Variants in ACYP2 observed in about 807,000 individuals in gnomAD.
ACYP2 encodes acylphosphatase 2, also known as acylphosphatase-2.
Under a neutral mutation model 11.2 loss-of-function variants are expected in ACYP2, and 12 were observed. The ratio of observed to expected loss-of-function variants is 1.08; its 90% CI spans 0.69 to 1.74. ACYP2 has a LOEUF of 1.74. ACYP2 is among the 40% of genes most tolerant of loss of function. ACYP2 has a pLI of 0.00. For synonymous variants in ACYP2, 43 were observed against 32.2 expected (o/e 1.33, Z -1.13); for missense variants, 134 against 101.9 (o/e 1.31, Z -1.35).
At chr2:54,274,508 G>T (rs899656799) in intron 6 of ACYP2, among the ~76,000 whole-genome samples, 1 of 151,472 alleles carries the variant, frequency 6.6e-6, no homozygotes, top group Non-Finnish European at 1.5e-5. Flanking sequence ...AGGTACGGTG[G>T]TGCACACCTG....
chr2:54,262,480 A>C (rs1325576367), intron 6 of ACYP2, among the ~76,000 whole-genome samples: 2 of 152,236 alleles, frequency 1.3e-5, no homozygotes, highest in African/African-American at 4.8e-5. Context: ...TAAGTATTAG[A>C]AAAGAAATTG....
chr2:54,116,726 T>A (rs1039984923), intron 4 of ACYP2, among the ~76,000 whole-genome samples: 7 of 152,112 alleles, frequency 4.6e-5, no homozygotes, highest in Non-Finnish European at 1.0e-4. Context: ...GACTCGCGGA[T>A]GAAGCAATGG....
At chr2:54,235,552 A>C (rs1374925829) in intron 6 of ACYP2, among the ~76,000 whole-genome samples, 2 of 152,050 alleles carry the variant, frequency 1.3e-5, no homozygotes, top group Non-Finnish European at 2.9e-5. Flanking sequence ...GGGTTTCACC[A>C]TGTTAGCCAG....
intron 6 of ACYP2, among the ~76,000 whole-genome samples, chr2:54,270,231 TA>T (rs1398692425): frequency 6.6e-6 from 1 of 152,204 alleles, no homozygotes. Flanking sequence ...GTTTTTAAGC[TA>T]TTTTTTTGTG....
At position 54,104,119 on chromosome 2, in the gene ACYP2, C is replaced by T. The variant is rs915709740; in HGVS notation, c.278-31334C>T. On this transcript the variant is annotated intron_variant, in intron 4 of 6. Coordinates refer to ENST00000607452, the MANE Select transcript of ACYP2 (RefSeq NM_001320586.2). ...GAGACTTGGTACTTAAAATGAACTT[C>T]GAGCTGTTCCAAATGTACAGATTAA... Among the ~76,000 whole-genome samples the T allele has an allele frequency of 2.6e-5, 4 of 152,288 alleles. No homozygotes were observed. In the South Asian group the frequency reaches 8.3e-4, roughly 32 times the overall value.
At chr2:54,066,811 A>T (rs1012668670) in intron 4 of ACYP2, among the ~76,000 whole-genome samples, 1 of 152,246 alleles carries the variant, frequency 6.6e-6, no homozygotes, top group Non-Finnish European at 1.5e-5. Flanking sequence ...CTATCCAGAC[A>T]TGGTGGCCAA....
At chr2:54,060,373 T>A (rs1434731754) in intron 4 of ACYP2, among the ~76,000 whole-genome samples, 2 of 151,930 alleles carry the variant, frequency 1.3e-5, no homozygotes, top group Non-Finnish European at 2.9e-5. Flanking sequence ...TCTATAAACT[T>A]ATTCTTGTTC....
At position 54,255,772 on chromosome 2, in the gene ACYP2, T is replaced by C. The variant is rs1558647670; in HGVS notation, c.405-48916T>C. The C allele has an allele frequency of 1.9e-6, 3 of 1,613,784 alleles. No individual in the cohort carries two copies. The African/African-American group carries it at 4.0e-5, about 22-fold the overall frequency. On this transcript the variant is annotated intron_variant, in intron 6 of 6. Transcript: ENST00000607452. The stretch of plus-strand genomic sequence containing the variant: ...CCCTGCCCCACAGGTTTCTAGAGCC[T>C]TCTCCCCACCTAGGCCGTGCGTCTC...
At chr2:54,185,058 G>GCTGAT (rs1375364038) in intron 6 of ACYP2, among the ~76,000 whole-genome samples, 1 of 152,008 alleles carries the variant, frequency 6.6e-6, no homozygotes, top group African/African-American at 2.4e-5. Context: ...TCTTGGCCAG[G>GCTGAT]CTGATCTTGA....
intron 6 of ACYP2, among the ~76,000 whole-genome samples, chr2:54,274,285 C>T (rs1205311603): frequency 6.6e-6 from 1 of 152,070 alleles, no homozygotes; most frequent in Non-Finnish European, 1.5e-5. Context: ...GAAAGACCTG[C>T]CCCTATAATT....
chr2:54,292,565 G>C (rs1189481841), intron 6 of ACYP2, among the ~76,000 whole-genome samples: 2 of 151,958 alleles, frequency 1.3e-5, no homozygotes, highest in Admixed American at 1.3e-4. Flanking sequence ...GATGAGGCTT[G>C]CATTATGGTT....
chr2:54,123,667 A>G (rs1680287107), intron 4 of ACYP2, among the ~76,000 whole-genome samples: 1 of 152,010 alleles, frequency 6.6e-6, no homozygotes, highest in African/African-American at 2.4e-5. Context: ...AAAGTGCCTC[A>G]GGGAAGTCAG....
intron 6 of ACYP2, among the ~76,000 whole-genome samples, chr2:54,192,093 T>G (rs371465674): frequency 1.4e-4 from 21 of 152,158 alleles, no homozygotes; most frequent in African/African-American, 4.6e-4. Flanking sequence ...GACTCCCAAA[T>G]TTAAATCCAA....
chr2:53,990,828 G>A (rs1252449935), intron 2 of ACYP2, among the ~76,000 whole-genome samples: 3 of 151,216 alleles, frequency 2.0e-5, no homozygotes, highest in South Asian at 2.1e-4. Flanking sequence ...GCAGAGTCTC[G>A]CTCTGTCGCC....
At chr2:54,186,595 C>T (rs1684009999) in intron 6 of ACYP2, among the ~76,000 whole-genome samples, 1 of 152,134 alleles carries the variant, frequency 6.6e-6, no homozygotes, top group South Asian at 2.1e-4. Flanking sequence ...CTCACTGCAA[C>T]CTCTGCCTCC....
intron 2 of ACYP2, among the ~76,000 whole-genome samples, chr2:54,003,169 A>T (rs1481484820): frequency 6.6e-6 from 1 of 151,986 alleles, no homozygotes; most frequent in Non-Finnish European, 1.5e-5. Flanking sequence ...GCTGGTCTCG[A>T]ACCCCTGGCC....
chr2:53,992,912 G>T (rs6545377), intron 2 of ACYP2, among the ~76,000 whole-genome samples: 46,119 of 150,856 alleles, frequency 0.31, 7,621 homozygotes, highest in South Asian at 0.49. Flanking sequence ...TCAGAAAAAA[G>T]GTTTTATGGC....
chr2:54,255,048 A>G lies in ACYP2; in HGVS notation c.405-49640A>G, dbSNP rs747533997. The G allele has an allele frequency of 1.4e-5, 22 of 1,614,004 alleles. No individual in the cohort carries two copies. The Admixed American group carries it at 2.3e-4, about 17-fold the overall frequency. ...GATTTGACCAGAGGTCCTCTTTAAT[A>G]ATCTGAGCAATCCTGTCGGACTCTG... is the stretch of plus-strand genomic sequence containing the variant. On this transcript the variant is annotated intron_variant, in intron 6 of 6. Coordinates refer to ENST00000607452, the MANE Select transcript of ACYP2 (RefSeq NM_001320586.2).
chr2:54,293,473 T>C (rs889073484), intron 6 of ACYP2, among the ~76,000 whole-genome samples: 1 of 152,214 alleles, frequency 6.6e-6, no homozygotes, highest in African/African-American at 2.4e-5. Flanking sequence ...CTGAGGAGGT[T>C]GGATGATGCG....
Sources: allele counts gnomAD v4.1 joint callset (sites outside exome capture counted in the v4.1 genomes callset), GRCh38; gene constraint gnomAD v4.1.1; transcripts MANE v1.5; gene names NCBI Gene and HGNC (gene_info 2026-07-23, HGNC 2026-07-21).